ADGRF3: variants seen among roughly 807,000 people sequenced by gnomAD.
The protein encoded by ADGRF3 is G protein-coupled receptor 113.
Under a neutral mutation model 93.2 loss-of-function variants are expected in ADGRF3, and 85 were observed. The observed-to-expected ratio is 0.91, with a 90% CI of 0.77 to 1.09. The LOEUF is 1.09. Ranked by LOEUF, ADGRF3 falls within the 50% of genes least tolerant of loss-of-function variation. The pLI is 0.00. For synonymous variants in ADGRF3, 534 were observed against 532.5 expected (o/e 1.00, Z -0.04); for missense variants, 1,125 against 1,246.2 (o/e 0.90, Z 1.46).
At position 26,315,578 on chromosome 2, in the gene ADGRF3, G is replaced by T. The variant is rs1364366544; in HGVS notation, c.662C>A (p.Thr221Asn). 6.4e-7 allele frequency: 1 copy of T among 1,551,604 alleles called. No homozygotes were observed. Among genetic ancestry groups the T allele is most frequent in the Non-Finnish European group, 8.7e-7 (1 of 1,147,004 alleles). Residue 221 changes from threonine to asparagine, a missense_variant, in exon 5 of 14, where the codon ACT (threonine) becomes AAT (asparagine). Thr to Asn is a moderately conservative substitution (Grantham distance 65). Transcript: ENST00000651242. ...LLQPGTQVSV[T>N]SSHGQAALSV... ...GAGGGCAGCCTGGCCGTGGCTGGAA[G>T]TCACAGACACCTGTGTCCCTGGCTG...
intron 12 of ADGRF3, 139 bp downstream of exon 12, chr2:26,309,904 C>A: frequency 6.4e-7 from 1 of 1,569,524 alleles, no homozygotes; most frequent in South Asian, 1.2e-5. Context: ...GAGCTGGAAC[C>A]GGAAAACTGT....
intron 8 of ADGRF3, 127 bp from the exon 9 acceptor site, chr2:26,313,249 G>C: frequency 1.4e-6 from 2 of 1,438,524 alleles, no homozygotes; most frequent in African/African-American, 1.4e-5. Flanking sequence ...GCTCTGCTAG[G>C]GCTCCACTTC....
chr2:26,328,499 G>A (rs962825601), intron 1 of ADGRF3, among the ~76,000 whole-genome samples: 2 of 148,366 alleles, frequency 1.3e-5, no homozygotes, highest in Non-Finnish European at 3.0e-5. Flanking sequence ...TATTGCCTAG[G>A]CTGGAGTGCA....
At chr2:26,320,614 G>T (rs1024243588) in intron 1 of ADGRF3, among the ~76,000 whole-genome samples, 4 of 152,114 alleles carry the variant, frequency 2.6e-5, no homozygotes, top group Admixed American at 6.5e-5. Context: ...ATTATCAAAA[G>T]AGAAAATTTT....
In ADGRF3 at chr2:26,346,561, T is replaced by C; in HGVS notation, c.-327A>G. 3.0e-6 allele frequency: 1 copy of C among 328,316 alleles called. No individual in the cohort carries two copies. 20.3% of individuals were successfully genotyped at this position (328,316 alleles called of 1,614,324 possible). A position where few individuals can be genotyped will look rare whatever the true frequency, so the allele number is the denominator to read the frequency against. On this transcript the variant is annotated 5_prime_UTR_variant, in exon 1 of 14. Coordinates refer to ENST00000651242, the MANE Select transcript of ADGRF3 (RefSeq NM_001321971.2). ...ATGGAGCGAGGGAATTCCCTTCCTA[T>C]TTTTTTTAAACTTATTATTTTCGTA...
intron 1 of ADGRF3, chr2:26,318,084 C>T (rs1433411418): frequency 1.2e-5 from 19 of 1,550,370 alleles, no homozygotes; most frequent in African/African-American, 2.7e-5. Flanking sequence ...TCGGCCAAAG[C>T]TAGAAGATAG....
chr2:26,341,207 C>T (rs994185963), intron 1 of ADGRF3, among the ~76,000 whole-genome samples: 4 of 152,148 alleles, frequency 2.6e-5, no homozygotes, highest in African/African-American at 9.7e-5. Context: ...AGTGAAACCC[C>T]ATCTCTACTA....
chr2:26,327,024 C>T (rs986337060), intron 1 of ADGRF3, among the ~76,000 whole-genome samples: 5 of 152,270 alleles, frequency 3.3e-5, no homozygotes, highest in African/African-American at 1.2e-4. Flanking sequence ...CCTGCCTCGG[C>T]CTCCCGAAGT....
In ADGRF3 at chr2:26,311,546, C is replaced by A. The variant is rs528370293; in HGVS notation, c.1978G>T (p.Gly660Cys). The A allele has an allele frequency of 1.9e-6, 3 of 1,613,722 alleles. No individual in the cohort carries two copies. Among genetic ancestry groups the A allele is most frequent in the African/African-American group, 1.3e-5 (1 of 74,898 alleles). ...GCCTGGCACCCTTCTTTGGACCAAC[C>A]CCCCCTGCCCTGGAAGAGACTGTGA... ...WDHSLFQGRGGWSKEGCQAQV... is the reference protein window; with the variant it reads ...WDHSLFQGRGCWSKEGCQAQV... Residue 660 changes from glycine (G) to cysteine (C), a missense_variant, in exon 10 of 14, where the codon GGT becomes TGT. Gly to Cys is a radical substitution (Grantham distance 159). Transcript: ENST00000651242.
intron 13 of ADGRF3, 139 bp downstream of exon 13, chr2:26,309,387 A>G: frequency 6.6e-7 from 1 of 1,505,520 alleles, no homozygotes; most frequent in African/African-American, 1.4e-5. Flanking sequence ...CTACCCTAGA[A>G]AAACCTGTTT....
chr2:26,309,546 T>G lies in ADGRF3; in HGVS notation c.2973A>C (p.Lys991Asn), dbSNP rs779780386. The G allele has an allele frequency of 2.5e-6, 4 of 1,612,588 alleles. No individual in the cohort carries two copies. Among genetic ancestry groups the G allele is most frequent in the Non-Finnish European group, 2.5e-6 (3 of 1,179,522 alleles). Residue 991 changes from lysine to asparagine, a missense_variant, in exon 13 of 14, where the codon AAA (lysine) becomes AAC (asparagine). Physicochemically the swap from Lys to Asn is moderately conservative, Grantham distance 94. Coordinates refer to ENST00000651242, the MANE Select transcript of ADGRF3 (RefSeq NM_001321971.2). ...CTCACCTGGCAGTGTCGCTTCCTCC[T>G]TTGCTGTGTTCCAAGATGCAGCCTT... Reference protein sequence around the residue: ...TNEGCILEHSKGGSDTARKTD... With the variant: ...TNEGCILEHSNGGSDTARKTD...
intron 1 of ADGRF3, among the ~76,000 whole-genome samples, chr2:26,322,584 C>T (rs1675213294): frequency 6.6e-6 from 1 of 152,054 alleles, no homozygotes; most frequent in East Asian, 1.9e-4. Context: ...TTTGCATGTA[C>T]AGAGATATCT....
Position 26,313,130 on chromosome 2 carries a change from A to G in ADGRF3, c.1270-8T>C, listed in dbSNP as rs1323486438. On this transcript the variant is annotated splice_polypyrimidine_tract_variant and splice_region_variant and intron_variant, in intron 8 of 13. Transcript: ENST00000651242. ...CTGGCCTGCCTGCAGCAGCTGAGAC[A>G]GACGAGACAGCATGAAGTGGGACAC... 6.2e-7 allele frequency: 1 copy of G among 1,613,426 alleles called. No individual in the cohort carries two copies. The highest frequency in any genetic ancestry group is 8.5e-7 in the Non-Finnish European group (1 of 1,179,692).
At chr2:26,318,247 C>A (rs192127215) in intron 1 of ADGRF3, 3 of 614,336 alleles carry the variant, frequency 4.9e-6, no homozygotes, top group African/African-American at 3.8e-5. Context: ...CCTGCGTGTG[C>A]GTGTGGATAT....
rs757002380 is a variant in ADGRF3, at chr2:26,346,193, G to A, written c.42C>T (p.Pro14=). Residue 14 remains proline (P), a synonymous_variant, in exon 1 of 14, where the codon CCC becomes CCT. Transcript: ENST00000651242. ...RKLSAHSAAT[P]GYKAVTHKHH... ...GCTTGTGTGTCACAGCCTTGTAGCCGGGAGTCGCTGCCGAGTGGGCGCTCA... is the reference window on the plus strand; with the variant it reads ...GCTTGTGTGTCACAGCCTTGTAGCCAGGAGTCGCTGCCGAGTGGGCGCTCA... 7 of 1,613,256 alleles carry A rather than the reference G, an allele frequency of 4.3e-6. No homozygotes were observed. In the South Asian group the frequency reaches 4.4e-5, roughly 10 times the overall value.
At position 26,316,821 on chromosome 2, in the gene ADGRF3, A is replaced by G. The variant is rs1014465972; in HGVS notation, c.325+91T>C. The G allele has an allele frequency of 1.1e-5, 15 of 1,386,044 alleles. No homozygotes were observed. In the South Asian group the frequency reaches 1.2e-4, roughly 11 times the overall value. The allele number at this position is 1,386,044 out of a possible 1,614,324, so 85.9% of individuals were successfully genotyped here. On this transcript the variant is annotated intron_variant, in intron 3 of 13. Transcript: ENST00000651242. ...GCAGCCCTTCCTCCAGGAAATACAG[A>G]GGGGCTCACAGAGTCTCAGGCAAGC...
intron 1 of ADGRF3, among the ~76,000 whole-genome samples, chr2:26,338,188 G>A (rs1395560410): frequency 1.3e-5 from 2 of 152,028 alleles, no homozygotes; most frequent in East Asian, 1.9e-4. Flanking sequence ...TTTAAAAAAC[G>A]GAGAAGAGAG....
intron 1 of ADGRF3, among the ~76,000 whole-genome samples, chr2:26,341,910 A>G (rs1165335079): frequency 1.3e-5 from 2 of 152,026 alleles, no homozygotes; most frequent in African/African-American, 4.8e-5. Context: ...CGTCTCTACT[A>G]AAAATACAAA....
chr2:26,313,291 T>G, intron 8 of ADGRF3, 86 bp downstream of exon 8: 1 of 1,434,194 alleles, frequency 7.0e-7, no homozygotes, highest in Non-Finnish European at 9.4e-7. Flanking sequence ...GGCTGGGCCT[T>G]GGGGAAAAGG....
Sources: gnomAD v4.1 joint callset for allele counts (sites outside exome capture counted in the v4.1 genomes callset) on GRCh38, gnomAD v4.1.1 for gene constraint, MANE v1.5 for transcripts, NCBI Gene and HGNC (gene_info 2026-07-23, HGNC 2026-07-21) for gene names.